Variants in ACSF3 observed in about 807,000 individuals in gnomAD.
ACSF3 encodes acyl-CoA synthetase family member 3, also known as malonate--CoA ligase ACSF3, mitochondrial.
A neutral mutation model predicts 53.2 loss-of-function variants in ACSF3; 78 were observed. The observed-to-expected ratio is 1.47, with a 90% CI of 1.22 to 1.77. ACSF3 has a LOEUF of 1.77. ACSF3 is among the 40% of genes most tolerant of loss of function. The probability of loss-of-function intolerance (pLI) is 0.00; values close to 1 mark genes in which losing one functional copy is unlikely to be tolerated. For synonymous variants in ACSF3, 414 were observed against 333.1 expected (o/e 1.24, Z -2.65); for missense variants, 937 against 771.1 (o/e 1.22, Z -2.55).
chr16:89,155,762 A>G lies in ACSF3; in HGVS notation c.*1555A>G, dbSNP rs534115735. On this transcript the variant is annotated 3_prime_UTR_variant, in exon 11 of 11. Coordinates refer to ENST00000614302, the MANE Select transcript of ACSF3 (RefSeq NM_001243279.3). ...AGCAAAATTTTTACTTAATTCCACT[A>G]ATTTTACATTTGCATCTCTCTCCTT... 350 of 449,930 alleles carry G rather than the reference A, an allele frequency of 7.8e-4. No individual in the cohort carries two copies. The highest frequency in any genetic ancestry group is 1.2e-3 in the Non-Finnish European group (276 of 226,384). 27.9% of individuals were successfully genotyped at this position (449,930 alleles called of 1,614,324 possible). A position where few individuals can be genotyped will look rare whatever the true frequency, so the allele number is the denominator to read the frequency against.
chr16:89,144,348 GC>G (rs1219921688), intron 8 of ACSF3, among the ~76,000 whole-genome samples: 1 of 152,256 alleles, frequency 6.6e-6, no homozygotes, highest in Admixed American at 6.5e-5. Context: ...ACGTGGGGCA[GC>G]CCCGGCCATT....
chr16:89,120,044 GC>G (rs1906242175), intron 6 of ACSF3, among the ~76,000 whole-genome samples: 1 of 152,256 alleles, frequency 6.6e-6, no homozygotes, highest in South Asian at 2.1e-4. Flanking sequence ...CATCGCCAGG[GC>G]CGCACTCCAT....
chr16:89,099,521 C>T (rs997447988), intron 2 of ACSF3, among the ~76,000 whole-genome samples: 5 of 152,202 alleles, frequency 3.3e-5, no homozygotes, highest in East Asian at 1.9e-4. Context: ...TGGCTCACAC[C>T]TGTAATTTCA....
Position 89,093,922 on chromosome 16 carries a change from GGC to G in ACSF3, c.-258_-257del, listed in dbSNP as rs749018575. On this transcript the variant is annotated 5_prime_UTR_variant, in exon 1 of 11. Transcript: ENST00000614302. ...CCCGGCCGGAACCCGGCCCGACCCC[GGC>G]GCGCGCGCGGCGGAGGACGAGGAAG... 5.1e-4 allele frequency: 165 copies of G among 325,452 alleles called. No individual in the cohort carries two copies. The highest frequency in any genetic ancestry group is 6.4e-4 in the South Asian group (30 of 47,102). 20.2% of individuals were successfully genotyped at this position (325,452 alleles called of 1,614,324 possible). A position where few individuals can be genotyped will look rare whatever the true frequency, so the allele number is the denominator to read the frequency against.
In ACSF3 at chr16:89,106,762, G is replaced by A. The variant is rs145064047; in HGVS notation, c.822+4003G>A. Among the ~76,000 whole-genome samples, 3 of 152,372 alleles carry A rather than the reference G, an allele frequency of 2.0e-5. No homozygotes were observed. In the East Asian group the frequency reaches 5.8e-4, roughly 29 times the overall value. On this transcript the variant is annotated intron_variant, in intron 4 of 10. Transcript: ENST00000614302. ...TGTCTAAGATTGTGTGGAAGAATGT[G>A]TAGGATACAAGTGTGGGGTGACCAG...
chr16:89,113,390 C>A (rs1904394871), intron 5 of ACSF3: 1 of 152,354 alleles, frequency 6.6e-6, no homozygotes, highest in South Asian at 2.1e-4. Flanking sequence ...TTCCCTTGCC[C>A]CTTTTCTGTG....
intron 8 of ACSF3, among the ~76,000 whole-genome samples, chr16:89,143,491 C>T (rs1241679467): frequency 2.0e-5 from 3 of 152,018 alleles, no homozygotes; most frequent in Non-Finnish European, 4.4e-5. Flanking sequence ...GCTGTGGCAT[C>T]CGTGGGGCAG....
chr16:89,137,664 C>T (rs1221561753), intron 8 of ACSF3, among the ~76,000 whole-genome samples: 1 of 151,126 alleles, frequency 6.6e-6, no homozygotes, highest in East Asian at 1.9e-4. Context: ...AGGGGAAGAG[C>T]CCCAGGTCCC....
At position 89,100,696 on chromosome 16, in the gene ACSF3, G is replaced by A. The variant is rs760248047; in HGVS notation, c.15G>A (p.Val5=). ...CTGTCAGTGCAATGCTGCCCCATGT[G>A]GTGCTCACCTTCCGGCGCCTGGGCT... MLPH[V]VLTFRRLGCA... is the part of the protein sequence containing the mutation. The change falls in exon 3 of 11, where the codon GTG becomes GTA. Residue 5 remains valine (V), a synonymous_variant. Transcript: ENST00000614302. 2 of 1,600,428 alleles carry A rather than the reference G, an allele frequency of 1.2e-6. No homozygotes were observed. The highest frequency in any genetic ancestry group is 2.2e-5 in the South Asian group (2 of 91,054).
intron 8 of ACSF3, chr16:89,141,134 C>T (rs1161336034): frequency 1.4e-5 from 18 of 1,287,138 alleles, no homozygotes; most frequent in South Asian, 2.5e-5. Flanking sequence ...GACCTCCTCC[C>T]GCGGGGTGTC....
At chr16:89,125,635 G>C (rs1039853995) in intron 7 of ACSF3, among the ~76,000 whole-genome samples, 1 of 151,712 alleles carries the variant, frequency 6.6e-6, no homozygotes, top group Non-Finnish European at 1.5e-5. Flanking sequence ...AGGTTGAAGT[G>C]AGCCAAGACT....
rs751560437 is a variant in ACSF3, at chr16:89,145,291, G to T, written c.1391G>T (p.Gly464Val). ...GGGGACACCGTGGTGTTTAAGGATG[G>T]CCAGTACTGGATCCGAGGCCGGACC... is the stretch of plus-strand genomic sequence containing the variant. ...KTGDTVVFKD[G>V]QYWIRGRTSV... The change falls in exon 9 of 11, where the codon GGC becomes GTC. Residue 464 changes from glycine (G) to valine (V), a missense_variant. Transcript: ENST00000614302. 6.2e-7 allele frequency: 1 copy of T among 1,614,132 alleles called. No homozygotes were observed.
At position 89,143,581 on chromosome 16, in the gene ACSF3, C is replaced by G. The variant is rs145102484; in HGVS notation, c.1367-1686C>G. Among the ~76,000 whole-genome samples, 1,065 of 152,272 alleles carry G rather than the reference C, an allele frequency of 7.0e-3. 16 individuals carry two copies. The highest frequency in any genetic ancestry group is 0.025 in the African/African-American group (1,032 of 41,540). ...GTGGCTGTCTGGTCCAGAGGGGACA[C>G]ACAAGCCAGGCTGCACAGCAGGAGC... On this transcript the variant is annotated intron_variant, in intron 8 of 10. Coordinates refer to ENST00000614302, the MANE Select transcript of ACSF3 (RefSeq NM_001243279.3).
In ACSF3 at chr16:89,131,804, G is replaced by A. The variant is rs115267731; in HGVS notation, c.1240-1332G>A. Among the ~76,000 whole-genome samples, 1,234 of 152,380 alleles carry A rather than the reference G, an allele frequency of 8.1e-3. 19 individuals carry two copies. The highest frequency in any genetic ancestry group is 0.029 in the African/African-American group (1,195 of 41,592). On this transcript the variant is annotated intron_variant, in intron 7 of 10. Transcript: ENST00000614302. ...AAAGGACAGCAGTGGAAAAATTCAC[G>A]AAATTCAGATAAAGTCCGTGGTTTC...
chr16:89,102,471 A>G, intron 3 of ACSF3, 133 bp from the exon 4 acceptor site: 1 of 1,069,158 alleles, frequency 9.4e-7, no homozygotes. Flanking sequence ...GGGGAGCAAC[A>G]AAGAGCCAGC....
chr16:89,124,078 CCT>C (rs531411749), intron 7 of ACSF3, among the ~76,000 whole-genome samples: 1 of 3,656 alleles, frequency 2.7e-4, no homozygotes, highest in African/African-American at 1.1e-3. Flanking sequence ...CACACACATG[CCT>C]AGTGTGCGCA....
At chr16:89,116,518 A>G (rs8052780) in intron 6 of ACSF3, among the ~76,000 whole-genome samples, 114,109 of 151,868 alleles carry the variant, frequency 0.75, 43,371 homozygotes, top group Non-Finnish European at 0.8. Flanking sequence ...GGGGCTGTTA[A>G]GTGTATTCTG....
intron 4 of ACSF3, among the ~76,000 whole-genome samples, chr16:89,106,295 A>AT (rs1975975885): frequency 2.3e-5 from 2 of 87,586 alleles, no homozygotes; most frequent in East Asian, 2.3e-4. Context: ...GTGAAAACTT[A>AT]ATTTTTTTTT....
chr16:89,143,569 C>T (rs2151557361), intron 8 of ACSF3, among the ~76,000 whole-genome samples: 1 of 152,262 alleles, frequency 6.6e-6, no homozygotes, highest in South Asian at 2.1e-4. Context: ...GCTGTCTGGT[C>T]CAGAGGGGAC....
Sources: allele counts gnomAD v4.1 joint callset (sites outside exome capture counted in the v4.1 genomes callset), GRCh38; gene constraint gnomAD v4.1.1; transcripts MANE v1.5; gene names NCBI Gene and HGNC (gene_info 2026-07-23, HGNC 2026-07-21).